Variants in CSMD1 observed in about 807,000 individuals in gnomAD.
CSMD1 encodes the protein CUB and Sushi multiple domains 1.
In CSMD1, 213 loss-of-function variants were observed where a neutral mutation model predicts 417.5. The observed-to-expected ratio is 0.51, with a 90% CI of 0.46 to 0.57. The LOEUF (loss-of-function observed/expected upper bound fraction) is 0.57, where lower values mean the gene tolerates loss of function less well. Ranked by LOEUF, CSMD1 falls within the 20% of genes least tolerant of loss-of-function variation. The pLI is 0.00. For synonymous variants in CSMD1, 2,862 were observed against 1,736.8 expected (o/e 1.65, Z -16.11); for missense variants, 6,923 against 4,529.7 (o/e 1.53, Z -15.17).
At chr8:4,379,182 T>C (rs544899618) in intron 3 of CSMD1, among the ~76,000 whole-genome samples, 20 of 152,166 alleles carry the variant, frequency 1.3e-4, no homozygotes, top group Non-Finnish European at 2.9e-4. Flanking sequence ...ATTTATTCTG[T>C]AGTATTCTGC....
chr8:4,166,998 G>T (rs968528821), intron 3 of CSMD1, among the ~76,000 whole-genome samples: 2 of 152,194 alleles, frequency 1.3e-5, no homozygotes, highest in African/African-American at 2.4e-5. Flanking sequence ...CCCCTGTGCT[G>T]GGTGTTTGTG....
intron 2 of CSMD1, among the ~76,000 whole-genome samples, chr8:4,555,017 G>A (rs1465263108): frequency 2.0e-5 from 3 of 152,186 alleles, no homozygotes. Context: ...GAGCACGCAA[G>A]TAAGACTCAG....
At position 4,717,898 on chromosome 8, in the gene CSMD1, A is replaced by G. The variant is rs562679232; in HGVS notation, c.86-80340T>C. The stretch of plus-strand genomic sequence containing the variant: ...ATTAAATTATCTAAAAATAAATAGG[A>G]TGACTAAAGTATTGATACAGAAGAA... On this transcript the variant is annotated intron_variant, in intron 1 of 69. Coordinates refer to ENST00000635120, the MANE Select transcript of CSMD1 (RefSeq NM_033225.6). 5.3e-5 allele frequency among the ~76,000 whole-genome samples: 8 copies of G among 152,342 alleles called. No individual in the cohort carries two copies. In the South Asian group the frequency reaches 1.5e-3, roughly 28 times the overall value.
intron 7 of CSMD1, among the ~76,000 whole-genome samples, chr8:3,672,105 C>T (rs80147417): frequency 6.6e-6 from 1 of 152,052 alleles, no homozygotes; most frequent in Non-Finnish European, 1.5e-5. Context: ...GTTGATGCAG[C>T]GTTCAAGGTT....
At position 2,965,940 on chromosome 8, in the gene CSMD1, C is replaced by G; in HGVS notation, c.9115G>C (p.Asp3039His). The change falls in exon 59 of 70, where the codon GAT becomes CAT. Residue 3039 changes from aspartate to histidine, a missense_variant. By Grantham distance (81) the Asp-to-His change is moderately conservative. Coordinates refer to ENST00000635120, the MANE Select transcript of CSMD1 (RefSeq NM_033225.6). ...ATGCCATTTGCTAGTGTGCCTGGATCCCCACAACTTATAACTAATAAACAG... is the reference window on the plus strand; with the variant it reads ...ATGCCATTTGCTAGTGTGCCTGGATGCCCACAACTTATAACTAATAAACAG... ...APDCTIISCGDPGTLANGIQF... is the reference protein window; with the variant it reads ...APDCTIISCGHPGTLANGIQF... 1 of 1,605,492 alleles carries G rather than the reference C, an allele frequency of 6.2e-7. No individual in the cohort carries two copies.
Position 4,668,097 on chromosome 8 carries a change from C to T in CSMD1, c.86-30539G>A, listed in dbSNP as rs112659540. Among the ~76,000 whole-genome samples, 694 of 152,244 alleles carry T rather than the reference C, an allele frequency of 4.6e-3. 5 individuals carry two copies. Among genetic ancestry groups the T allele is most frequent in the African/African-American group, 0.016 (658 of 41,548 alleles). On this transcript the variant is annotated intron_variant, in intron 1 of 69. Coordinates refer to ENST00000635120, the MANE Select transcript of CSMD1 (RefSeq NM_033225.6). ...TGACCTAATCTTATTCTACCTTGCA[C>T]GTGTAGCTTTTAGCAGATATTGCCT...
intron 3 of CSMD1, among the ~76,000 whole-genome samples, chr8:4,062,841 C>T (rs1401326991): frequency 2.0e-5 from 3 of 151,608 alleles, no homozygotes; most frequent in Non-Finnish European, 2.9e-5. Context: ...TGTGTCAAAA[C>T]CCTACCAGCC....
chr8:3,570,162 A>G (rs976128500), intron 10 of CSMD1, among the ~76,000 whole-genome samples: 1 of 152,222 alleles, frequency 6.6e-6, no homozygotes, highest in African/African-American at 2.4e-5. Context: ...AACATACATC[A>G]TGAGTTTTAA....
At chr8:4,182,578 G>C (rs1022187017) in intron 3 of CSMD1, among the ~76,000 whole-genome samples, 2 of 152,110 alleles carry the variant, frequency 1.3e-5, no homozygotes, top group African/African-American at 4.8e-5. Context: ...TCACAGAAAA[G>C]AATTTAGCAT....
At chr8:4,022,798 C>T (rs185198133) in intron 4 of CSMD1, among the ~76,000 whole-genome samples, 7 of 152,180 alleles carry the variant, frequency 4.6e-5, no homozygotes, top group Admixed American at 3.9e-4. Context: ...ATTAAGCAAT[C>T]GTGTAAGTTA....
At chr8:4,213,752 C>T (rs574016391) in intron 3 of CSMD1, among the ~76,000 whole-genome samples, 8 of 152,128 alleles carry the variant, frequency 5.3e-5, no homozygotes, top group Admixed American at 1.3e-4. Flanking sequence ...TAGAACATGG[C>T]TGAGATGGGG....
intron 5 of CSMD1, among the ~76,000 whole-genome samples, chr8:3,756,311 C>G (rs1797655380): frequency 6.6e-6 from 1 of 151,036 alleles, no homozygotes; most frequent in Admixed American, 6.6e-5. Flanking sequence ...TGAGATCGCG[C>G]CACTGCACTC....
At chr8:3,491,137 C>T (rs1530616) in intron 11 of CSMD1, among the ~76,000 whole-genome samples, 4 of 151,884 alleles carry the variant, frequency 2.6e-5, no homozygotes, top group Admixed American at 6.6e-5. Context: ...TGAAAGAATG[C>T]GGTGAGAGCG....
At chr8:3,890,501 G>C (rs1002925686) in intron 5 of CSMD1, among the ~76,000 whole-genome samples, 9 of 151,700 alleles carry the variant, frequency 5.9e-5, no homozygotes, top group African/African-American at 2.2e-4. Context: ...AAGGCATTGA[G>C]GCACACTTGC....
At chr8:4,932,666 G>A (rs769144348) in intron 1 of CSMD1, among the ~76,000 whole-genome samples, 1 of 152,186 alleles carries the variant, frequency 6.6e-6, no homozygotes, top group Non-Finnish European at 1.5e-5. Flanking sequence ...GGTAAAGGCT[G>A]CAGGAATGAA....
chr8:4,300,844 T>C (rs1797945449), intron 3 of CSMD1, among the ~76,000 whole-genome samples: 1 of 152,190 alleles, frequency 6.6e-6, no homozygotes, highest in Non-Finnish European at 1.5e-5. Flanking sequence ...TTCATCCATG[T>C]CCCTACAAAG....
At chr8:3,256,309 GAAAA>G (rs61572877) in intron 26 of CSMD1, among the ~76,000 whole-genome samples, 4 of 81,444 alleles carry the variant, frequency 4.9e-5, no homozygotes, top group South Asian at 4.0e-4. Context: ...TAAGTCTCAA[GAAAA>G]AAAAAAAAAA....
At chr8:3,926,541 T>C (rs1211374404) in intron 5 of CSMD1, among the ~76,000 whole-genome samples, 1 of 151,922 alleles carries the variant, frequency 6.6e-6, no homozygotes, top group East Asian at 1.9e-4. Flanking sequence ...CAAATAATTG[T>C]TTCTTTTTTG....
chr8:3,863,582 C>A (rs947295902), intron 5 of CSMD1, among the ~76,000 whole-genome samples: 1 of 152,094 alleles, frequency 6.6e-6, no homozygotes, highest in Non-Finnish European at 1.5e-5. Flanking sequence ...AAAATATAAT[C>A]TAAGCCTGAC....
Sources: gnomAD v4.1 joint callset for allele counts (sites outside exome capture counted in the v4.1 genomes callset) on GRCh38, gnomAD v4.1.1 for gene constraint, MANE v1.5 for transcripts, NCBI Gene and HGNC (gene_info 2026-07-23, HGNC 2026-07-21) for gene names.